Variants in MAVS observed in about 807,000 individuals in gnomAD.
MAVS encodes mitochondrial antiviral-signaling protein.
In MAVS, 20 loss-of-function variants were observed where a neutral mutation model predicts 30.2. That is an observed-to-expected ratio of 0.66 (90% CI 0.47 to 0.96). The LOEUF (loss-of-function observed/expected upper bound fraction) is 0.96. Among genes scored for constraint, MAVS ranks in the 40% least tolerant of loss-of-function variants. MAVS has a pLI of 0.00. For synonymous variants in MAVS, 278 were observed against 293.9 expected, an observed-to-expected ratio of 0.95 and a Z score of 0.55; for missense variants, 624 against 701.1, an observed-to-expected ratio of 0.89 and a Z score of 1.24.
At position 3,855,014 on chromosome 20, in the gene MAVS, C is replaced by T. The variant is rs1336934475; in HGVS notation, c.117+273C>T. ...CAAGTGATTCTCCTGCCTCAGCCTC[C>T]TGAGTAGCTGGGATTACAGGTGCGT... is the stretch of plus-strand genomic sequence containing the variant. On this transcript the variant is annotated intron_variant, in intron 2 of 6. Coordinates refer to ENST00000428216, the MANE Select transcript of MAVS (RefSeq NM_020746.5). 3.3e-5 allele frequency among the ~76,000 whole-genome samples: 5 copies of T among 152,010 alleles called. No individual in the cohort carries two copies. The East Asian group carries it at 9.7e-4, about 29-fold the overall frequency.
Position 3,874,585 on chromosome 20 carries a change from G to A in MAVS, c.*8438G>A, listed in dbSNP as rs1011871262. On this transcript the variant is annotated 3_prime_UTR_variant, in exon 7 of 7. Coordinates refer to ENST00000428216, the MANE Select transcript of MAVS (RefSeq NM_020746.5). ...GCGGACTAACTGGAGGGGCATCTTT[G>A]GTTGGTTGGGGGGGTATATTTGGCT... 1.1e-5 allele frequency: 2 copies of A among 188,784 alleles called. No individual in the cohort carries two copies. The highest frequency in any genetic ancestry group is 6.2e-5 in the Admixed American group (1 of 16,216). 11.7% of individuals were successfully genotyped at this position (188,784 alleles called of 1,614,324 possible).
rs557770137 is a variant in MAVS at position 3,871,757 on chromosome 20, T to C, written c.*5610T>C. 1 of 152,402 alleles carries C rather than the reference T, an allele frequency of 6.6e-6. No homozygotes were observed. The allele number at this position is 152,402 out of a possible 1,614,324, so 9.4% of individuals were successfully genotyped here. ...TGCATCTGTGTTGAAATTGAGGCCT[T>C]CCCCTGTGTTCACCTTTCTGCTCTT... is the stretch of plus-strand genomic sequence containing the variant. On this transcript the variant is annotated 3_prime_UTR_variant, in exon 7 of 7. Transcript: ENST00000428216.
Position 3,872,506 on chromosome 20 carries a change from A to G in MAVS, c.*6359A>G, listed in dbSNP as rs2089962946. The G allele has an allele frequency of 3.9e-5, 6 of 152,316 alleles. No homozygotes were observed. Among genetic ancestry groups the G allele is most frequent in the Admixed American group, 3.9e-4 (6 of 15,276 alleles). The allele number at this position is 152,316 out of a possible 1,614,324, so 9.4% of individuals were successfully genotyped here. Reference sequence around the variant, plus strand: ...TGTGCCAACATCTGCCACCTGCTATAATAGTACTATAACACTCAATATGTA... The same window carrying G: ...TGTGCCAACATCTGCCACCTGCTATGATAGTACTATAACACTCAATATGTA... On this transcript the variant is annotated 3_prime_UTR_variant, in exon 7 of 7. Coordinates refer to ENST00000428216, the MANE Select transcript of MAVS (RefSeq NM_020746.5).
At position 3,868,950 on chromosome 20, in the gene MAVS, G is replaced by A. The variant is rs1313547719; in HGVS notation, c.*2803G>A. 2 of 152,336 alleles carry A rather than the reference G, an allele frequency of 1.3e-5. No homozygotes were observed. Among genetic ancestry groups the A allele is most frequent in the Non-Finnish European group, 2.9e-5 (2 of 68,034 alleles). 9.4% of individuals were successfully genotyped at this position (152,336 alleles called of 1,614,324 possible). ...ATGGGAGATACCCTGGGTAAGGCATGTAGAAAGGGTTGAGGGACCTTCCCA... is the reference window on the plus strand; with the variant it reads ...ATGGGAGATACCCTGGGTAAGGCATATAGAAAGGGTTGAGGGACCTTCCCA... On this transcript the variant is annotated 3_prime_UTR_variant, in exon 7 of 7. Coordinates refer to ENST00000428216, the MANE Select transcript of MAVS (RefSeq NM_020746.5).
rs2089976346 is a variant in MAVS at position 3,874,409 on chromosome 20, G to A, written c.*8262G>A. Reference sequence around the variant, plus strand: ...AAAACCACCTAAACAAGAGCAGAGAGGCCATTTGGTCAAAGTTTGCAAAGG... The same window carrying A: ...AAAACCACCTAAACAAGAGCAGAGAAGCCATTTGGTCAAAGTTTGCAAAGG... On this transcript the variant is annotated 3_prime_UTR_variant, in exon 7 of 7. Transcript: ENST00000428216. 2 of 394,404 alleles carry A rather than the reference G, an allele frequency of 5.1e-6. No homozygotes were observed. The highest frequency in any genetic ancestry group is 2.1e-5 in the African/African-American group (1 of 48,542). The allele number at this position is 394,404 out of a possible 1,614,324, so 24.4% of individuals were successfully genotyped here.
intron 1 of MAVS, among the ~76,000 whole-genome samples, chr20:3,852,909 G>T (rs991071441): frequency 1.4e-5 from 2 of 144,606 alleles, no homozygotes; most frequent in Non-Finnish European, 3.0e-5. Context: ...GCGTGATCTC[G>T]GCTCACTACA....
Position 3,874,302 on chromosome 20 carries a change from G to C in MAVS, c.*8155G>C, listed in dbSNP as rs1184926066. On this transcript the variant is annotated 3_prime_UTR_variant, in exon 7 of 7. Transcript: ENST00000428216. ...GGATACTGGGGAGGGGCATCCTGGAGTGCTGGTCTACCTCATCTGGGTGTT... is the reference window on the plus strand; with the variant it reads ...GGATACTGGGGAGGGGCATCCTGGACTGCTGGTCTACCTCATCTGGGTGTT... The C allele has an allele frequency of 5.0e-6, 2 of 398,336 alleles. No individual in the cohort carries two copies. Among genetic ancestry groups the C allele is most frequent in the Admixed American group, 8.8e-5 (2 of 22,712 alleles). 24.7% of individuals were successfully genotyped at this position (398,336 alleles called of 1,614,324 possible). A position where few individuals can be genotyped will look rare whatever the true frequency, so the allele number is the denominator to read the frequency against.
rs2089955343 is a variant in MAVS at position 3,871,485 on chromosome 20, G to C, written c.*5338G>C. On this transcript the variant is annotated 3_prime_UTR_variant, in exon 7 of 7. Transcript: ENST00000428216. The stretch of plus-strand genomic sequence containing the variant: ...CTGTCCCAGAGAGGTGATGATGAAT[G>C]ATGGGTGTGTCCAGTGGCAGTTTGC... The C allele has an allele frequency of 6.5e-6, 1 of 152,834 alleles. No individual in the cohort carries two copies. Among genetic ancestry groups the C allele is most frequent in the Admixed American group, 6.6e-5 (1 of 15,264 alleles). The allele number at this position is 152,834 out of a possible 1,614,324, so 9.5% of individuals were successfully genotyped here. A position where few individuals can be genotyped will look rare whatever the true frequency, so the allele number is the denominator to read the frequency against.
chr20:3,861,578 C>A, intron 4 of MAVS, 74 bp downstream of exon 4: 1 of 1,479,246 alleles, frequency 6.8e-7, no homozygotes, highest in Non-Finnish European at 9.3e-7. Context: ...TTGAGCCTTC[C>A]AGAAACCCTC....
At chr20:3,848,215 C>T (rs903870329) in intron 1 of MAVS, among the ~76,000 whole-genome samples, 2 of 152,046 alleles carry the variant, frequency 1.3e-5, no homozygotes, top group African/African-American at 4.8e-5. Flanking sequence ...TCTCCTGCCT[C>T]AGCCTCCTGA....
At position 3,861,484 on chromosome 20, in the gene MAVS, G is replaced by C; in HGVS notation, c.445G>C (p.Ala149Pro). The C allele has an allele frequency of 6.2e-7, 1 of 1,614,024 alleles. No individual in the cohort carries two copies. The highest frequency in any genetic ancestry group is 8.5e-7 in the Non-Finnish European group (1 of 1,179,984). Reference protein sequence around the residue: ...SYPMPVQETQAPESPGENSEQ... With the variant: ...SYPMPVQETQPPESPGENSEQ... ...CCCCATGCCTGTCCAGGAGACCCAG[G>C]CGCCAGAGTCCCCAGGAGAGGTCTG... The change falls in exon 4 of 7, where the codon GCG (alanine) becomes CCG (proline). Residue 149 changes from alanine to proline, a missense_variant. Ala to Pro is a conservative substitution (Grantham distance 27). Coordinates refer to ENST00000428216, the MANE Select transcript of MAVS (RefSeq NM_020746.5).
At chr20:3,857,857 C>A in intron 3 of MAVS, 48 bp downstream of exon 3, 4 of 1,583,558 alleles carry the variant, frequency 2.5e-6, no homozygotes, top group Non-Finnish European at 2.6e-6. Flanking sequence ...TGCTCCCTGG[C>A]CTCCGCTCTC....
At position 3,857,725 on chromosome 20, in the gene MAVS, G is replaced by A; in HGVS notation, c.208G>A (p.Glu70Lys). Reference sequence around the variant, plus strand: ...CCTTCAGCGGCGGCCCGGCTGGGTGGAGTACTTCATTGCGGCACTGAGGGG... The same window carrying A: ...CCTTCAGCGGCGGCCCGGCTGGGTGAAGTACTTCATTGCGGCACTGAGGGG... ...NTLQRRPGWV[E>K]YFIAALRGCE... Residue 70 changes from glutamate (E) to lysine (K), a missense_variant, in exon 3 of 7, where the codon GAG (glutamate) becomes AAG (lysine). Glu to Lys is a moderately conservative substitution (Grantham distance 56). Coordinates refer to ENST00000428216, the MANE Select transcript of MAVS (RefSeq NM_020746.5). The A allele has an allele frequency of 1.2e-6, 2 of 1,614,226 alleles. No individual in the cohort carries two copies. The highest frequency in any genetic ancestry group is 1.7e-6 in the Non-Finnish European group (2 of 1,180,040).
chr20:3,857,513 C>A, intron 2 of MAVS, 122 bp from the exon 3 acceptor site: 1 of 1,178,836 alleles, frequency 8.5e-7, no homozygotes, highest in Non-Finnish European at 1.2e-6. Flanking sequence ...GATCCAGTTT[C>A]ACGTGGCTGC....
chr20:3,857,658 ACT>A lies in MAVS; in HGVS notation c.145_146del (p.Ser49ArgfsTer31). The A allele has an allele frequency of 6.2e-7, 1 of 1,613,232 alleles. No homozygotes were observed. Among genetic ancestry groups the A allele is most frequent in the Non-Finnish European group, 8.5e-7 (1 of 1,179,540 alleles). ...AGGATCGACTGCGGGCCACCTGCACACTCTCAGGGAACCGGGACACCCTCTGG... is the reference window on the plus strand; with the variant it reads ...AGGATCGACTGCGGGCCACCTGCACACTCAGGGAACCGGGACACCCTCTGG... ...DQDRLRATCT[L>X]SGNRDTLWHL... On this transcript the variant is annotated frameshift_variant, in exon 3 of 7. Coordinates refer to ENST00000428216, the MANE Select transcript of MAVS (RefSeq NM_020746.5). LOFTEE classifies it high-confidence loss of function.
In MAVS at chr20:3,871,715, CAG is replaced by C. The variant is rs1165277369; in HGVS notation, c.*5571_*5572del. ...CCCCCACCTCCAGGGAAAGTGAGTT[CAG>C]AGTCCTTGGTCTAATGCATCTGTGT... On this transcript the variant is annotated 3_prime_UTR_variant, in exon 7 of 7. Coordinates refer to ENST00000428216, the MANE Select transcript of MAVS (RefSeq NM_020746.5). 6.6e-6 allele frequency: 1 copy of C among 152,478 alleles called. No individual in the cohort carries two copies. Among genetic ancestry groups the C allele is most frequent in the Non-Finnish European group, 1.5e-5 (1 of 68,066 alleles). 9.4% of individuals were successfully genotyped at this position (152,478 alleles called of 1,614,324 possible). A position where few individuals can be genotyped will look rare whatever the true frequency, so the allele number is the denominator to read the frequency against.
rs2089907853 is a variant in MAVS at position 3,866,221 on chromosome 20, T to C, written c.*74T>C. ...CACCTGGCCCCTCTCCGAAGCCCCT[T>C]GTCCCTTTCTTGGGGATTGTGGAGG... On this transcript the variant is annotated 3_prime_UTR_variant, in exon 7 of 7. Coordinates refer to ENST00000428216, the MANE Select transcript of MAVS (RefSeq NM_020746.5). 7.3e-7 allele frequency: 1 copy of C among 1,368,652 alleles called. No individual in the cohort carries two copies. Among genetic ancestry groups the C allele is most frequent in the Non-Finnish European group, 9.8e-7 (1 of 1,025,326 alleles). The allele number at this position is 1,368,652 out of a possible 1,614,324, so 84.8% of individuals were successfully genotyped here. A position where few individuals can be genotyped will look rare whatever the true frequency, so the allele number is the denominator to read the frequency against.
At chr20:3,858,588 C>T (rs915852971) in intron 3 of MAVS, among the ~76,000 whole-genome samples, 1 of 148,460 alleles carries the variant, frequency 6.7e-6, no homozygotes, top group African/African-American at 2.5e-5. Flanking sequence ...TCACTTGAAC[C>T]AGGGAGGCAG....
intron 2 of MAVS, among the ~76,000 whole-genome samples, chr20:3,854,986 G>A (rs1340986244): frequency 1.3e-5 from 2 of 150,562 alleles, no homozygotes. Context: ...CGCCTCCTGG[G>A]TTCAAGTGAT....
Sources: gnomAD v4.1 joint callset for allele counts (sites outside exome capture counted in the v4.1 genomes callset) on GRCh38, gnomAD v4.1.1 for gene constraint, MANE v1.5 for transcripts, NCBI Gene and HGNC (gene_info 2026-07-23, HGNC 2026-07-21) for gene names.